Variants in FAF1 observed in about 807,000 individuals in gnomAD.
FAF1 encodes the protein Fas associated factor 1, also known as FAS-associated factor 1.
A neutral mutation model predicts 92.5 loss-of-function variants in FAF1; 25 were observed. The observed-to-expected ratio is 0.27, with a 90% CI of 0.20 to 0.38. The LOEUF (loss-of-function observed/expected upper bound fraction) is 0.38. Ranked by LOEUF, FAF1 falls within the 10% of genes least tolerant of loss-of-function variation. FAF1 has a pLI of 1.00. For missense variants in FAF1, 636 were observed against 793.3 expected (o/e 0.80, Z 2.38); for synonymous variants, 234 against 273.2 (o/e 0.86, Z 1.42).
At chr1:50,500,738 G>A (rs1305637476) in intron 15 of FAF1, among the ~76,000 whole-genome samples, 1 of 151,904 alleles carries the variant, frequency 6.6e-6, no homozygotes, top group South Asian at 2.1e-4. Flanking sequence ...AGTATCATGT[G>A]TACCCCATAA....
At chr1:50,938,752 T>A (rs1369429579) in intron 1 of FAF1, among the ~76,000 whole-genome samples, 1 of 152,238 alleles carries the variant, frequency 6.6e-6, no homozygotes, top group Non-Finnish European at 1.5e-5. Flanking sequence ...TTAATTCTCA[T>A]ATATGGTGAA....
At chr1:50,532,676 A>C (rs1379725143) in intron 15 of FAF1, among the ~76,000 whole-genome samples, 1 of 152,230 alleles carries the variant, frequency 6.6e-6, no homozygotes, top group African/African-American at 2.4e-5. Flanking sequence ...AGTATAAACC[A>C]TATTTTTATA....
At chr1:50,737,646 G>T (rs1376262949) in intron 6 of FAF1, among the ~76,000 whole-genome samples, 1 of 152,088 alleles carries the variant, frequency 6.6e-6, no homozygotes, top group Non-Finnish European at 1.5e-5. Context: ...AGCAATCCAA[G>T]AACTCTTTAA....
intron 4 of FAF1, among the ~76,000 whole-genome samples, chr1:50,778,516 T>C (rs774175866): frequency 4.6e-5 from 7 of 152,174 alleles, no homozygotes; most frequent in Non-Finnish European, 8.8e-5. Context: ...AAACCACTGA[T>C]TAACAAATCT....
intron 12 of FAF1, among the ~76,000 whole-genome samples, chr1:50,575,845 C>G (rs191522623): frequency 1.2e-4 from 19 of 152,264 alleles, no homozygotes; most frequent in Admixed American, 8.5e-4. Context: ...ACAGCTGTGG[C>G]CTCAAATTTG....
chr1:50,800,800 T>A (rs1661961651), intron 3 of FAF1, among the ~76,000 whole-genome samples: 1 of 152,168 alleles, frequency 6.6e-6, no homozygotes, highest in South Asian at 2.1e-4. Context: ...GCTGTTTCTG[T>A]TCGCCTCATC....
rs147647466 is a variant in FAF1 at position 50,885,295 on chromosome 1, T to TTCTCTCTCTCTCTCTCTCTCTCTC, written c.46-27299_46-27298insGAGAGAGAGAGAGAGAGAGAGAGA. Among the ~76,000 whole-genome samples, 88 of 137,312 alleles carry TTCTCTCTCTCTCTCTCTCTCTCTC rather than the reference T, an allele frequency of 6.4e-4. 1 individual carries two copies. The highest frequency in any genetic ancestry group is 1.0e-3 in the Non-Finnish European group (67 of 63,836). The allele number at this position is 137,312 out of a possible 152,430, so 90.1% of individuals were successfully genotyped here. On this transcript the variant is annotated intron_variant, in intron 1 of 18. Coordinates refer to ENST00000396153, the MANE Select transcript of FAF1 (RefSeq NM_007051.3). ...GGTTTCCCATTCTCTCCGTGTCTCT[T>TTCTCTCTCTCTCTCTCTCTCTCTC]TCTCTCTCTCTCTCTCTCACACACA...
chr1:50,701,415 C>T (rs571041581), intron 7 of FAF1, among the ~76,000 whole-genome samples: 1 of 151,938 alleles, frequency 6.6e-6, no homozygotes, highest in African/African-American at 2.4e-5. Context: ...AAAAAACACC[C>T]AATACTTTAA....
intron 1 of FAF1, among the ~76,000 whole-genome samples, chr1:50,899,599 C>T (rs754543218): frequency 3.3e-5 from 5 of 152,078 alleles, no homozygotes; most frequent in Non-Finnish European, 5.9e-5. Flanking sequence ...AATACAGGCG[C>T]GTGCCACCAC....
chr1:50,575,861 A>G (rs1650707711), intron 12 of FAF1, among the ~76,000 whole-genome samples: 1 of 152,200 alleles, frequency 6.6e-6, no homozygotes. Context: ...ATTTGTATAG[A>G]ACTTATTTTT....
intron 1 of FAF1, among the ~76,000 whole-genome samples, chr1:50,868,242 G>A (rs1644498273): frequency 6.6e-6 from 1 of 152,126 alleles, no homozygotes; most frequent in South Asian, 2.1e-4. Context: ...GTGCTTGGGT[G>A]ATGGGAGCAC....
chr1:50,805,531 A>C (rs1466390170), intron 2 of FAF1, among the ~76,000 whole-genome samples: 2 of 152,144 alleles, frequency 1.3e-5, no homozygotes, highest in Non-Finnish European at 2.9e-5. Flanking sequence ...CTTTTGGGGG[A>C]AGGAAATGGC....
intron 4 of FAF1, among the ~76,000 whole-genome samples, chr1:50,761,438 A>C (rs991245592): frequency 7.2e-5 from 11 of 152,364 alleles, no homozygotes; most frequent in Non-Finnish European, 1.5e-4. Flanking sequence ...AAAAATCCTC[A>C]ATCAAATACT....
chr1:50,623,998 GGAAGAAGAAGAAA>G (rs746521601), intron 8 of FAF1, among the ~76,000 whole-genome samples: 29 of 150,054 alleles, frequency 1.9e-4, no homozygotes, highest in African/African-American at 2.2e-4. Context: ...GGAAGAAGAA[GGAAGAAGAAGAAA>G]GAAGAAGAAG....
intron 8 of FAF1, among the ~76,000 whole-genome samples, chr1:50,597,359 T>C (rs1651868833): frequency 1.3e-5 from 2 of 152,062 alleles, no homozygotes; most frequent in African/African-American, 2.4e-5. Context: ...AGAGTAGTTA[T>C]CTTATTCAAT....
intron 4 of FAF1, among the ~76,000 whole-genome samples, chr1:50,746,806 C>A (rs925724510): frequency 6.6e-6 from 1 of 152,172 alleles, no homozygotes; most frequent in African/African-American, 2.4e-5. Context: ...TTCACAGCAG[C>A]CCCTGCCATC....
chr1:50,806,169 A>T (rs1053604678), intron 2 of FAF1, among the ~76,000 whole-genome samples: 1 of 152,160 alleles, frequency 6.6e-6, no homozygotes, highest in Non-Finnish European at 1.5e-5. Context: ...AGACTTAACA[A>T]GACAAGTCAA....
chr1:50,613,566 T>A (rs1019253891), intron 8 of FAF1, among the ~76,000 whole-genome samples: 13 of 152,154 alleles, frequency 8.5e-5, no homozygotes, highest in African/African-American at 2.9e-4. Flanking sequence ...TGAGGATGAA[T>A]AATGTAGCTA....
chr1:50,946,984 G>A (rs555936901), intron 1 of FAF1, among the ~76,000 whole-genome samples: 7 of 152,314 alleles, frequency 4.6e-5, no homozygotes, highest in African/African-American at 1.2e-4. Flanking sequence ...TGCCTCTGCT[G>A]AGAAGATATA....
Sources: gnomAD v4.1 joint callset for allele counts (sites outside exome capture counted in the v4.1 genomes callset) on GRCh38, gnomAD v4.1.1 for gene constraint, MANE v1.5 for transcripts, NCBI Gene and HGNC (gene_info 2026-07-23, HGNC 2026-07-21) for gene names.